AP3B1: variants seen among roughly 807,000 people sequenced by gnomAD.
AP3B1 encodes the protein adaptor related protein complex 3 subunit beta 1, also known as AP-3 complex subunit beta-1.
A neutral mutation model predicts 132.5 loss-of-function variants in AP3B1; 61 were observed. The ratio of observed to expected loss-of-function variants is 0.46; its 90% confidence interval spans 0.37 to 0.57. The LOEUF is 0.57. Ranked by LOEUF, AP3B1 falls within the 20% of genes least tolerant of loss-of-function variation. The pLI, the probability that AP3B1 is intolerant of heterozygous loss-of-function variation, is 0.00. For missense variants in AP3B1, 1,120 were observed against 1,289.4 expected, an observed-to-expected ratio of 0.87 and a Z score of 2.01; for synonymous variants, 388 against 438.3, an observed-to-expected ratio of 0.89 and a Z score of 1.43.
intron 24 of AP3B1, among the ~76,000 whole-genome samples, chr5:78,033,095 AT>A (rs1380109667): frequency 6.6e-6 from 1 of 152,074 alleles, no homozygotes; most frequent in East Asian, 1.9e-4. Flanking sequence ...TTAGTTCTTA[AT>A]TTTGGTCTAA....
intron 1 of AP3B1, among the ~76,000 whole-genome samples, chr5:78,268,666 A>G (rs751603924): frequency 6.6e-6 from 1 of 152,170 alleles, no homozygotes; most frequent in Non-Finnish European, 1.5e-5. Context: ...TGCTCATCTA[A>G]AGCCCAAATT....
chr5:78,073,413 A>G (rs1463934782), intron 22 of AP3B1, among the ~76,000 whole-genome samples: 1 of 152,180 alleles, frequency 6.6e-6, no homozygotes. Flanking sequence ...TGCATAATCT[A>G]AGATACCATA....
intron 2 of AP3B1, among the ~76,000 whole-genome samples, chr5:78,246,782 C>A (rs1025982869): frequency 6.6e-6 from 1 of 152,056 alleles, no homozygotes; most frequent in Non-Finnish European, 1.5e-5. Context: ...TTTCATTTCA[C>A]TGATTTTACT....
At chr5:78,236,554 T>C (rs1412919130) in intron 3 of AP3B1, among the ~76,000 whole-genome samples, 2 of 152,228 alleles carry the variant, frequency 1.3e-5, no homozygotes, top group Non-Finnish European at 2.9e-5. Flanking sequence ...CTGTGTGACC[T>C]TGATCAGCTA....
intron 2 of AP3B1, among the ~76,000 whole-genome samples, chr5:78,254,605 A>G (rs879464855): frequency 2.0e-5 from 3 of 152,214 alleles, no homozygotes; most frequent in Non-Finnish European, 4.4e-5. Flanking sequence ...TATCCAGTGA[A>G]AATATCCTTC....
chr5:78,045,630 C>T (rs1396038172), intron 22 of AP3B1, among the ~76,000 whole-genome samples: 1 of 152,022 alleles, frequency 6.6e-6, no homozygotes, highest in Non-Finnish European at 1.5e-5. Context: ...ATATTTTGTA[C>T]ATCAGACCAG....
At chr5:78,092,146 C>G (rs543601480) in intron 21 of AP3B1, among the ~76,000 whole-genome samples, 1 of 152,200 alleles carries the variant, frequency 6.6e-6, no homozygotes, top group Non-Finnish European at 1.5e-5. Flanking sequence ...CGTCCACCAT[C>G]TGTCCTTTCA....
intron 2 of AP3B1, among the ~76,000 whole-genome samples, chr5:78,243,891 T>C (rs983791846): frequency 1.3e-5 from 2 of 151,804 alleles, no homozygotes; most frequent in Non-Finnish European, 2.9e-5. Flanking sequence ...CAATGGAGAG[T>C]TGTGAGCAGA....
chr5:78,054,431 A>C (rs1407530707), intron 22 of AP3B1, among the ~76,000 whole-genome samples: 1 of 152,190 alleles, frequency 6.6e-6, no homozygotes, highest in Non-Finnish European at 1.5e-5. Flanking sequence ...AGAGGAAGGA[A>C]AATGAGGATG....
At chr5:78,178,552 T>C (rs911873293) in intron 8 of AP3B1, among the ~76,000 whole-genome samples, 2 of 151,938 alleles carry the variant, frequency 1.3e-5, no homozygotes, top group East Asian at 1.9e-4. Flanking sequence ...ACCCAGGAGG[T>C]AGAGGTTGCA....
chr5:78,015,612 TTA>T (rs1330814994), intron 25 of AP3B1, 64 bp from the exon 26 acceptor site: 29 of 1,582,782 alleles, frequency 1.8e-5, no homozygotes, highest in Non-Finnish European at 2.5e-5. Context: ...TTACAGAATT[TTA>T]AGCTCATGGC....
chr5:78,139,095 A>C (rs904947135), intron 15 of AP3B1, among the ~76,000 whole-genome samples: 2 of 152,070 alleles, frequency 1.3e-5, no homozygotes. Flanking sequence ...ACTGGGTAAA[A>C]AGACATGAAA....
chr5:78,135,636 T>C (rs962083371), intron 15 of AP3B1, among the ~76,000 whole-genome samples: 1 of 152,174 alleles, frequency 6.6e-6, no homozygotes, highest in African/African-American at 2.4e-5. Flanking sequence ...TATTATGTAC[T>C]TTTCCATAGG....
chr5:78,192,594 A>G (rs1744887800), intron 7 of AP3B1, among the ~76,000 whole-genome samples: 1 of 152,080 alleles, frequency 6.6e-6, no homozygotes, highest in African/African-American at 2.4e-5. Context: ...GTGAGCCAAA[A>G]TTGCGCCACT....
chr5:78,281,232 C>A (rs1350477193), intron 1 of AP3B1, among the ~76,000 whole-genome samples: 1 of 151,940 alleles, frequency 6.6e-6, no homozygotes, highest in African/African-American at 2.4e-5. Flanking sequence ...GTCAGCAGCT[C>A]GAGACCATCC....
chr5:78,011,416 A>C (rs568546819), intron 26 of AP3B1, among the ~76,000 whole-genome samples: 24 of 152,338 alleles, frequency 1.6e-4, no homozygotes, highest in African/African-American at 5.5e-4. Flanking sequence ...GACAGAAATG[A>C]AGATAAAGTT....
chr5:78,092,146 C>T (rs543601480), intron 21 of AP3B1, among the ~76,000 whole-genome samples: 4 of 152,318 alleles, frequency 2.6e-5, no homozygotes, highest in Admixed American at 1.3e-4. Context: ...CGTCCACCAT[C>T]TGTCCTTTCA....
chr5:78,278,530 C>G lies in AP3B1; in HGVS notation c.129-10935G>C, dbSNP rs1230085308. On this transcript the variant is annotated intron_variant, in intron 1 of 26. Transcript: ENST00000255194. Reference sequence around the variant, plus strand: ...AGGAGAATGGCGTGAACCCGGGAGGCGGAGCTTGCAGTGAGCCGAGATCCC... The same window carrying G: ...AGGAGAATGGCGTGAACCCGGGAGGGGGAGCTTGCAGTGAGCCGAGATCCC... Among the ~76,000 whole-genome samples, 2 of 79,096 alleles carry G rather than the reference C, an allele frequency of 2.5e-5. 1 individual carries two copies. The highest frequency in any genetic ancestry group is 5.8e-5 in the Non-Finnish European group (2 of 34,416). 51.9% of individuals were successfully genotyped at this position (79,096 alleles called of 152,430 possible).
intron 15 of AP3B1, 135 bp downstream of exon 15, chr5:78,141,008 A>G (rs747765112): frequency 1.2e-4 from 98 of 787,968 alleles, no homozygotes; most frequent in Non-Finnish European, 1.9e-4. Flanking sequence ...AGTATCATCT[A>G]ACATAGAACC....
Sources: allele counts gnomAD v4.1 joint callset (sites outside exome capture counted in the v4.1 genomes callset), GRCh38; gene constraint gnomAD v4.1.1; transcripts MANE v1.5; gene names NCBI Gene and HGNC (gene_info 2026-07-23, HGNC 2026-07-21).